Variants in CALD1 observed in about 807,000 individuals in gnomAD.
The protein encoded by CALD1 is caldesmon.
Under a neutral mutation model 99.9 loss-of-function variants are expected in CALD1, and 33 were observed. The observed-to-expected ratio is 0.33, with a 90% CI of 0.25 to 0.44. The LOEUF (loss-of-function observed/expected upper bound fraction) is 0.44, where lower values mean the gene tolerates loss of function less well. Among genes scored for constraint, CALD1 ranks in the 20% least tolerant of loss-of-function variants. The probability of loss-of-function intolerance (pLI) is 1.00; values close to 1 mark genes in which losing one functional copy is unlikely to be tolerated. For synonymous variants in CALD1, 310 were observed against 325.0 expected, an observed-to-expected ratio of 0.95 and a Z score of 0.50; for missense variants, 861 against 962.1, an observed-to-expected ratio of 0.89 and a Z score of 1.39.
intron 1 of CALD1, among the ~76,000 whole-genome samples, chr7:134,766,656 T>C (rs1458794157): frequency 6.6e-6 from 1 of 152,192 alleles, no homozygotes; most frequent in African/African-American, 2.4e-5. Flanking sequence ...GTAGGTATTA[T>C]TGGTTTCTAG....
chr7:134,937,477 T>C lies in CALD1; in HGVS notation c.1386+1712T>C, dbSNP rs149768869. 8.5e-5 allele frequency among the ~76,000 whole-genome samples: 13 copies of C among 152,268 alleles called. No homozygotes were observed. The East Asian group carries it at 2.3e-3, about 27-fold the overall frequency. On this transcript the variant is annotated intron_variant, in intron 6 of 14. Transcript: ENST00000361675. ...AAAAAGAAAACAACCCCAATCTATA[T>C]TCCTTTTTTAATACTGTGTACATAA...
At chr7:134,855,690 T>C (rs535457482) in intron 2 of CALD1, among the ~76,000 whole-genome samples, 3 of 152,332 alleles carry the variant, frequency 2.0e-5, no homozygotes, top group Admixed American at 6.5e-5. Flanking sequence ...TATTCTAAAA[T>C]TGGCAGAGTG....
intron 1 of CALD1, among the ~76,000 whole-genome samples, chr7:134,767,673 C>T (rs571498975): frequency 1.3e-5 from 2 of 152,218 alleles, no homozygotes; most frequent in African/African-American, 4.8e-5. Flanking sequence ...GAAGAGGAAA[C>T]GTGCATGGCT....
the CALD1 span, among the ~76,000 whole-genome samples, chr7:134,731,246 TC>T: frequency 3.3e-5 from 5 of 152,172 alleles, no homozygotes; most frequent in African/African-American, 1.2e-4. Context: ...TTTATGCTAT[TC>T]CAAACCAGCC....
chr7:134,770,236 C>T (rs1796866340), intron 1 of CALD1, among the ~76,000 whole-genome samples: 1 of 152,182 alleles, frequency 6.6e-6, no homozygotes, highest in Admixed American at 6.5e-5. Flanking sequence ...ACTCACCGGC[C>T]CAGCCCCGCT....
chr7:134,929,037 T>A, intron 4 of CALD1, 137 bp downstream of exon 4: 1 of 742,060 alleles, frequency 1.3e-6, no homozygotes, highest in Non-Finnish European at 2.1e-6. Flanking sequence ...TATTTTGCAG[T>A]CATTTTAGGC....
chr7:134,773,782 CTGTGTGTGTGTGTGTGTGTGTGTG>C (rs36104737), intron 1 of CALD1, among the ~76,000 whole-genome samples: 1 of 138,656 alleles, frequency 7.2e-6, no homozygotes, highest in Non-Finnish European at 1.6e-5. Flanking sequence ...AACCTCTCTT[CTGTGTGTGTGTGTGTGTGTGTGTG>C]TGTGTGTGTG....
intron 1 of CALD1, among the ~76,000 whole-genome samples, chr7:134,773,418 C>A (rs977045003): frequency 1.3e-5 from 2 of 151,956 alleles, no homozygotes; most frequent in South Asian, 2.1e-4. Flanking sequence ...GGACTACAGG[C>A]GTGTGCCACC....
intron 1 of CALD1, among the ~76,000 whole-genome samples, chr7:134,787,668 T>C (rs1272189029): frequency 2.6e-5 from 4 of 152,196 alleles, no homozygotes; most frequent in African/African-American, 7.2e-5. Flanking sequence ...GATAATTTGC[T>C]TTTGCAGAAG....
the CALD1 span, among the ~76,000 whole-genome samples, chr7:134,720,122 T>C: frequency 6.6e-6 from 1 of 152,144 alleles, no homozygotes; most frequent in East Asian, 1.9e-4. Flanking sequence ...ACTCACCCTT[T>C]GTTCACCAGT....
chr7:134,943,586 G>A (rs1806627197), intron 7 of CALD1, among the ~76,000 whole-genome samples: 1 of 151,922 alleles, frequency 6.6e-6, no homozygotes, highest in Admixed American at 6.6e-5. Context: ...ATGGTTTTTT[G>A]ATTTTTTATT....
At chr7:134,895,288 TTATA>T (rs1802481537) in intron 3 of CALD1, among the ~76,000 whole-genome samples, 1 of 141,988 alleles carries the variant, frequency 7.0e-6, no homozygotes, top group South Asian at 2.3e-4. Flanking sequence ...AAATTTGGTT[TTATA>T]TATGTATGTG....
At chr7:134,878,047 G>A (rs184753528) in intron 3 of CALD1, among the ~76,000 whole-genome samples, 2 of 152,126 alleles carry the variant, frequency 1.3e-5, no homozygotes, top group Admixed American at 1.3e-4. Flanking sequence ...CAATGCCCCA[G>A]GCCCCTCTCC....
chr7:134,859,085 T>A (rs1317556582), intron 2 of CALD1, among the ~76,000 whole-genome samples: 1 of 152,228 alleles, frequency 6.6e-6, no homozygotes, highest in East Asian at 1.9e-4. Context: ...CAGCATAGCC[T>A]TAGAATCTTA....
intron 1 of CALD1, among the ~76,000 whole-genome samples, chr7:134,762,889 C>A (rs1585901953): frequency 1.3e-5 from 2 of 152,160 alleles, no homozygotes. Context: ...AAGAATCCCA[C>A]AATTTGGAAA....
the CALD1 span, among the ~76,000 whole-genome samples, chr7:134,733,323 T>A: frequency 1.3e-5 from 2 of 152,034 alleles, no homozygotes; most frequent in African/African-American, 4.8e-5. Flanking sequence ...GTAACTCACT[T>A]CTCTATGGAG....
intron 5 of CALD1, among the ~76,000 whole-genome samples, chr7:134,934,589 GA>G (rs1391482158): frequency 6.6e-6 from 1 of 152,098 alleles, no homozygotes; most frequent in Non-Finnish European, 1.5e-5. Flanking sequence ...TTCATCTTAA[GA>G]AGGCAAAAAC....
intron 3 of CALD1, among the ~76,000 whole-genome samples, chr7:134,909,025 A>G (rs993161573): frequency 3.3e-5 from 5 of 152,196 alleles, no homozygotes; most frequent in African/African-American, 1.2e-4. Flanking sequence ...TTTCAAAGTC[A>G]TAAGTAATGA....
intron 13 of CALD1, among the ~76,000 whole-genome samples, chr7:134,963,519 A>T (rs528135705): frequency 6.6e-6 from 1 of 152,324 alleles, no homozygotes; most frequent in East Asian, 1.9e-4. Flanking sequence ...CTTCCTCCTG[A>T]GAAAAGGGTT....
Sources: gnomAD v4.1 joint callset for allele counts (sites outside exome capture counted in the v4.1 genomes callset) on GRCh38, gnomAD v4.1.1 for gene constraint, MANE v1.5 for transcripts, NCBI Gene and HGNC (gene_info 2026-07-23, HGNC 2026-07-21) for gene names.